The following CNTN4 variants were observed in gnomAD, a reference collection of about 807,000 sequenced individuals.
CNTN4 encodes the protein contactin 4, also known as contactin-4.
CNTN4 carries 77 observed loss-of-function variants against 122.5 expected under a neutral mutation model. The ratio of observed to expected loss-of-function variants is 0.63; its 90% confidence interval spans 0.52 to 0.76. CNTN4 has a LOEUF of 0.76. Among genes scored for constraint, CNTN4 ranks in the 30% least tolerant of loss-of-function variants. The pLI is 0.00. For synonymous variants in CNTN4, 512 were observed against 447.0 expected, an observed-to-expected ratio of 1.15 and a Z score of -1.83; for missense variants, 1,256 against 1,259.1, an observed-to-expected ratio of 1.00 and a Z score of 0.04.
At chr3:2,509,385 C>A (rs1218241968) in intron 3 of CNTN4, among the ~76,000 whole-genome samples, 4 of 152,102 alleles carry the variant, frequency 2.6e-5, no homozygotes, top group African/African-American at 9.7e-5. Context: ...AAACTGGTTA[C>A]CTTACAGAAA....
chr3:2,412,254 C>CTT (rs765865403), intron 3 of CNTN4, among the ~76,000 whole-genome samples: 2 of 145,844 alleles, frequency 1.4e-5, no homozygotes. Flanking sequence ...TTTACAAATA[C>CTT]TTTTTTTTTT....
intron 13 of CNTN4, among the ~76,000 whole-genome samples, chr3:2,983,396 G>A (rs1415442621): frequency 1.3e-5 from 2 of 151,980 alleles, no homozygotes; most frequent in Non-Finnish European, 2.9e-5. Flanking sequence ...CTTCAGAGTG[G>A]CAGAACTACT....
At chr3:2,616,070 A>G (rs1229572789) in intron 4 of CNTN4, among the ~76,000 whole-genome samples, 1 of 148,660 alleles carries the variant, frequency 6.7e-6, no homozygotes, top group Non-Finnish European at 1.5e-5. Context: ...CAGAATGTGC[A>G]GTTTGTTACA....
chr3:3,004,330 C>T lies in CNTN4; in HGVS notation c.1486+15858C>T, dbSNP rs367573028. 1.1e-4 allele frequency among the ~76,000 whole-genome samples: 17 copies of T among 152,222 alleles called. No homozygotes were observed. The East Asian group carries it at 1.9e-3, about 17-fold the overall frequency. ...ATCCAGCCTCTACTCTGATAACAGCCCTCCACTCTATTCCTAGAAAACACT... is the reference window on the plus strand; with the variant it reads ...ATCCAGCCTCTACTCTGATAACAGCTCTCCACTCTATTCCTAGAAAACACT... On this transcript the variant is annotated intron_variant, in intron 14 of 24. Transcript: ENST00000418658.
chr3:2,253,936 A>T (rs6442721), intron 2 of CNTN4, among the ~76,000 whole-genome samples: 12,602 of 152,072 alleles, frequency 0.083, 846 homozygotes, highest in African/African-American at 0.19. Flanking sequence ...CATGTGCAGA[A>T]CATGCAGGTT....
At chr3:2,596,626 A>C (rs1162366692) in intron 4 of CNTN4, among the ~76,000 whole-genome samples, 1 of 152,058 alleles carries the variant, frequency 6.6e-6, no homozygotes, top group African/African-American at 2.4e-5. Context: ...CCTTAGGAGT[A>C]ACTTATTTTT....
intron 2 of CNTN4, among the ~76,000 whole-genome samples, chr3:2,251,463 T>C (rs2040376206): frequency 6.6e-6 from 1 of 151,946 alleles, no homozygotes; most frequent in Admixed American, 6.6e-5. Context: ...CTTTCAGGGA[T>C]GCATCACTAA....
At position 2,289,482 on chromosome 3, in the gene CNTN4, C is replaced by T. The variant is rs557678830; in HGVS notation, c.-144-49696C>T. On this transcript the variant is annotated intron_variant, in intron 2 of 24. Coordinates refer to ENST00000418658, the MANE Select transcript of CNTN4 (RefSeq NM_175607.3). Reference sequence around the variant, plus strand: ...TATATGTGAAGACCATATCATGGTGCATGGCACATTTATGATGTTCATTAA... The same window carrying T: ...TATATGTGAAGACCATATCATGGTGTATGGCACATTTATGATGTTCATTAA... 9.2e-5 allele frequency among the ~76,000 whole-genome samples: 14 copies of T among 152,312 alleles called. No homozygotes were observed. The South Asian group carries it at 2.9e-3, about 32-fold the overall frequency.
At chr3:3,005,834 G>A (rs1696559285) in intron 14 of CNTN4, among the ~76,000 whole-genome samples, 1 of 151,784 alleles carries the variant, frequency 6.6e-6, no homozygotes, top group Non-Finnish European at 1.5e-5. Context: ...GAATTTGGGG[G>A]TTGGGGAAAC....
intron 3 of CNTN4, among the ~76,000 whole-genome samples, chr3:2,556,701 T>C (rs2078736637): frequency 6.6e-6 from 1 of 152,076 alleles, no homozygotes; most frequent in Admixed American, 6.6e-5. Context: ...TGTATATGTA[T>C]ATAATACATA....
intron 8 of CNTN4, among the ~76,000 whole-genome samples, chr3:2,873,992 G>A (rs900980165): frequency 7.2e-5 from 11 of 152,182 alleles, no homozygotes; most frequent in African/African-American, 2.7e-4. Flanking sequence ...TCGCAGTTGA[G>A]GATCTGTGGG....
intron 15 of CNTN4, among the ~76,000 whole-genome samples, chr3:3,028,046 T>C (rs548751412): frequency 1.3e-5 from 2 of 152,336 alleles, no homozygotes; most frequent in South Asian, 2.1e-4. Flanking sequence ...GGATCATTAA[T>C]GTCTGTGGAG....
At chr3:2,723,505 G>A (rs2087997633) in intron 4 of CNTN4, among the ~76,000 whole-genome samples, 2 of 152,162 alleles carry the variant, frequency 1.3e-5, no homozygotes. Context: ...TGCTTCCAAG[G>A]TGGCACCCTG....
chr3:2,461,369 G>T (rs1258789982), intron 3 of CNTN4, among the ~76,000 whole-genome samples: 1 of 152,084 alleles, frequency 6.6e-6, no homozygotes, highest in Non-Finnish European at 1.5e-5. Context: ...ATTAATTAAT[G>T]AGATAATCTA....
intron 4 of CNTN4, among the ~76,000 whole-genome samples, chr3:2,656,614 T>A (rs1424351203): frequency 6.6e-6 from 1 of 152,224 alleles, no homozygotes; most frequent in Non-Finnish European, 1.5e-5. Context: ...ATGAATACAT[T>A]GTGACAATTA....
At chr3:2,866,489 T>A in intron 7 of CNTN4, 1 of 1,306,136 alleles carries the variant, frequency 7.7e-7, no homozygotes, top group Non-Finnish European at 9.8e-7. Flanking sequence ...TGCTTAGCCC[T>A]TGACTTAAAG....
intron 4 of CNTN4, among the ~76,000 whole-genome samples, chr3:2,578,425 A>G (rs139595509): frequency 6.6e-6 from 1 of 152,190 alleles, no homozygotes; most frequent in Admixed American, 6.5e-5. Flanking sequence ...CCCCACCAGG[A>G]TGGAGAGCAC....
At chr3:2,685,686 G>GT (rs1047402823) in intron 4 of CNTN4, among the ~76,000 whole-genome samples, 22 of 151,930 alleles carry the variant, frequency 1.4e-4, no homozygotes, top group African/African-American at 1.4e-4. Context: ...TTCTTAGTGT[G>GT]TTTTTTTTGT....
intron 2 of CNTN4, among the ~76,000 whole-genome samples, chr3:2,179,072 T>A (rs1193065331): frequency 6.6e-6 from 1 of 152,050 alleles, no homozygotes; most frequent in Non-Finnish European, 1.5e-5. Flanking sequence ...TCCGAGGTAA[T>A]AATGATCATT....
Sources: allele counts gnomAD v4.1 joint callset (sites outside exome capture counted in the v4.1 genomes callset), GRCh38; gene constraint gnomAD v4.1.1; transcripts MANE v1.5; gene names NCBI Gene and HGNC (gene_info 2026-07-23, HGNC 2026-07-21).